TENM2: variants seen among roughly 807,000 people sequenced by gnomAD.
TENM2 encodes teneurin-2.
A neutral mutation model predicts 245.2 loss-of-function variants in TENM2; 52 were observed. The ratio of observed to expected loss-of-function variants is 0.21; its 90% confidence interval spans 0.17 to 0.27. The LOEUF is 0.27. Among genes scored for constraint, TENM2 ranks in the 10% least tolerant of loss-of-function variants. The pLI is 1.00. For synonymous variants in TENM2, 1,363 were observed against 1,438.9 expected (o/e 0.95, Z 1.19); for missense variants, 3,046 against 3,666.8 (o/e 0.83, Z 4.37).
chr5:167,022,319 T>A, the TENM2 span, among the ~76,000 whole-genome samples: 1 of 152,156 alleles, frequency 6.6e-6, no homozygotes, highest in Non-Finnish European at 1.5e-5. Flanking sequence ...GCAGTCCAAG[T>A]GAGGAATCTA....
chr5:167,361,209 T>C (rs1366653643), intron 1 of TENM2, among the ~76,000 whole-genome samples: 1 of 152,162 alleles, frequency 6.6e-6, no homozygotes, highest in Non-Finnish European at 1.5e-5. Flanking sequence ...ATTGATTTTT[T>C]TAAGGAAAGT....
intron 12 of TENM2, among the ~76,000 whole-genome samples, chr5:168,146,089 A>G (rs900557762): frequency 3.3e-5 from 5 of 150,364 alleles, no homozygotes; most frequent in East Asian, 1.9e-4. Flanking sequence ...GGCTGAGACA[A>G]TGGGGTTTTC....
the TENM2 span, among the ~76,000 whole-genome samples, chr5:167,263,206 G>A: frequency 0.12 from 17,547 of 152,090 alleles, 1,243 homozygotes; most frequent in East Asian, 0.25. Flanking sequence ...GTGTATGAGC[G>A]CTTACTCTGT....
chr5:167,108,058 G>A, the TENM2 span, among the ~76,000 whole-genome samples: 6 of 152,002 alleles, frequency 3.9e-5, no homozygotes, highest in Admixed American at 6.6e-5. Flanking sequence ...AAGATCCCTC[G>A]TTCTCTCTGC....
intron 2 of TENM2, among the ~76,000 whole-genome samples, chr5:167,810,244 T>C (rs966596363): frequency 6.6e-6 from 1 of 152,108 alleles, no homozygotes; most frequent in African/African-American, 2.4e-5. Context: ...ACTTCCTTTT[T>C]TTCCTTGACT....
intron 12 of TENM2, among the ~76,000 whole-genome samples, chr5:168,132,481 T>C (rs1432172993): frequency 1.3e-5 from 2 of 152,220 alleles, no homozygotes; most frequent in African/African-American, 4.8e-5. Context: ...TTTAGCTCTG[T>C]GGGGAGACAG....
At chr5:167,992,285 A>C (rs1783726657) in intron 4 of TENM2, among the ~76,000 whole-genome samples, 1 of 152,204 alleles carries the variant, frequency 6.6e-6, no homozygotes, top group African/African-American at 2.4e-5. Context: ...AAAAGAATAT[A>C]TCTGGATTAC....
chr5:167,293,595 C>CT (rs1416614755), intron 1 of TENM2, among the ~76,000 whole-genome samples: 2 of 151,868 alleles, frequency 1.3e-5, no homozygotes, highest in Non-Finnish European at 2.9e-5. Context: ...GCATTGACTG[C>CT]TTTTTTCTCT....
chr5:167,134,527 G>A, the TENM2 span, among the ~76,000 whole-genome samples: 1 of 152,164 alleles, frequency 6.6e-6, no homozygotes, highest in Non-Finnish European at 1.5e-5. Flanking sequence ...TTTTATGAGA[G>A]GTTGGTCCTG....
intron 5 of TENM2, among the ~76,000 whole-genome samples, chr5:168,034,903 A>G (rs1417153243): frequency 1.3e-5 from 2 of 152,270 alleles, no homozygotes; most frequent in African/African-American, 4.8e-5. Flanking sequence ...GTTCAGTATA[A>G]TTGAAGAACT....
chr5:168,047,375 T>A, intron 5 of TENM2, 52 bp from the exon 8 acceptor site: 1 of 1,550,284 alleles, frequency 6.5e-7, no homozygotes, highest in East Asian at 2.4e-5. Context: ...CCCTTGACAT[T>A]TGCATTGCTG....
At chr5:167,672,266 T>C (rs1459075) in intron 2 of TENM2, among the ~76,000 whole-genome samples, 55,317 of 151,864 alleles carry the variant, frequency 0.36, 12,685 homozygotes, top group East Asian at 0.92. Context: ...TGTTTGTGTG[T>C]ATATGTATAT....
At chr5:168,090,696 G>C in exon 8 of TENM2, 1 of 1,613,900 alleles carries the variant, frequency 6.2e-7, no homozygotes, top group Non-Finnish European at 8.5e-7. Flanking sequence ...ACCTGGATGT[G>C]GGCCTGTGGC....
chr5:168,103,813 A>G (rs1581313822), intron 9 of TENM2, among the ~76,000 whole-genome samples: 1 of 152,212 alleles, frequency 6.6e-6, no homozygotes, highest in East Asian at 1.9e-4. Flanking sequence ...GGCTATGACA[A>G]GTTGTCACTC....
intron 2 of TENM2, among the ~76,000 whole-genome samples, chr5:167,593,786 G>T (rs1421662763): frequency 6.6e-6 from 1 of 152,198 alleles, no homozygotes; most frequent in Non-Finnish European, 1.5e-5. Context: ...TCTTCCTGGT[G>T]TCGGAGATAA....
chr5:167,964,562 T>C (rs757820578), intron 4 of TENM2, among the ~76,000 whole-genome samples: 1 of 152,196 alleles, frequency 6.6e-6, no homozygotes, highest in Non-Finnish European at 1.5e-5. Context: ...TCTGTCCTTA[T>C]GGAGATTCTA....
the TENM2 span, among the ~76,000 whole-genome samples, chr5:167,158,161 T>C: frequency 1.3e-5 from 2 of 152,192 alleles, no homozygotes; most frequent in Non-Finnish European, 2.9e-5. Flanking sequence ...TATTTTAAAA[T>C]AAAACACAGA....
Position 168,162,763 on chromosome 5 carries a change from C to A in TENM2, c.2569+6C>A, listed in dbSNP as rs747615988. ...TAACAAGGATAATGAGGGAGGTGAGCACGCGTCTTCTCATTCCCAGCCCCT... is the reference window on the plus strand; with the variant it reads ...TAACAAGGATAATGAGGGAGGTGAGAACGCGTCTTCTCATTCCCAGCCCCT... On this transcript the variant is annotated splice_donor_region_variant and intron_variant, in intron 13 of 28. Coordinates refer to ENST00000518659, the Ensembl canonical transcript of TENM2. 2.5e-6 allele frequency: 4 copies of A among 1,613,406 alleles called. 1 individual carries two copies. The highest frequency in any genetic ancestry group is 3.4e-6 in the Non-Finnish European group (4 of 1,179,540).
intron 5 of TENM2, among the ~76,000 whole-genome samples, chr5:168,000,269 G>A (rs1212265889): frequency 6.6e-6 from 1 of 152,190 alleles, no homozygotes; most frequent in African/African-American, 2.4e-5. Flanking sequence ...TGAGGATTCT[G>A]ACACAACTTC....
Sources: gnomAD v4.1 joint callset for allele counts (sites outside exome capture counted in the v4.1 genomes callset) on GRCh38, gnomAD v4.1.1 for gene constraint, MANE v1.5 for transcripts, NCBI Gene and HGNC (gene_info 2026-07-23, HGNC 2026-07-21) for gene names.